Variants in KLHL3 observed in about 807,000 individuals in gnomAD.
The protein encoded by KLHL3 is kelch like family member 3.
A neutral mutation model predicts 70.5 loss-of-function variants in KLHL3; 19 were observed. The observed-to-expected ratio is 0.27, with a 90% CI of 0.19 to 0.40. KLHL3 has a LOEUF of 0.40. Ranked by LOEUF, KLHL3 falls within the 10% of genes least tolerant of loss-of-function variation. KLHL3 has a pLI of 1.00. For synonymous variants in KLHL3, 258 were observed against 290.3 expected (o/e 0.89, Z 1.13); for missense variants, 512 against 771.1 (o/e 0.66, Z 3.98).
At chr5:137,645,866 C>T (rs1751031752) in intron 8 of KLHL3, among the ~76,000 whole-genome samples, 1 of 152,072 alleles carries the variant, frequency 6.6e-6, no homozygotes, top group South Asian at 2.1e-4. Context: ...CTGGGGGCAT[C>T]ATGCTACCTG....
intron 11 of KLHL3, 55 bp downstream of exon 11, chr5:137,637,239 G>T: frequency 6.9e-7 from 1 of 1,446,570 alleles, no homozygotes; most frequent in Non-Finnish European, 9.7e-7. Context: ...GCTGGACCCA[G>T]GACAAGGCCC....
At position 137,620,425 on chromosome 5, in the gene KLHL3, C is replaced by A. The variant is rs1475844701; in HGVS notation, c.*1673G>T. ...TGGGGGATGCCAATCTCCTGCAGCA[C>A]CTGCTTGGAAGTAGCCCAGTCGTAT... On this transcript the variant is annotated 3_prime_UTR_variant, in exon 15 of 15. Coordinates refer to ENST00000309755, the MANE Select transcript of KLHL3 (RefSeq NM_017415.3). The A allele has an allele frequency of 6.6e-6, 1 of 152,156 alleles. No homozygotes were observed. Among genetic ancestry groups the A allele is most frequent in the African/African-American group, 2.4e-5 (1 of 41,434 alleles). The allele number at this position is 152,156 out of a possible 1,614,324, so 9.4% of individuals were successfully genotyped here. A position where few individuals can be genotyped will look rare whatever the true frequency, so the allele number is the denominator to read the frequency against.
chr5:137,727,317 T>C (rs1054171707), intron 1 of KLHL3, among the ~76,000 whole-genome samples: 1 of 152,102 alleles, frequency 6.6e-6, no homozygotes, highest in Non-Finnish European at 1.5e-5. Flanking sequence ...CTTCTCACTT[T>C]CGCTACCATT....
intron 4 of KLHL3, among the ~76,000 whole-genome samples, chr5:137,697,161 CTT>C (rs57501372): frequency 4.2e-4 from 61 of 146,626 alleles, no homozygotes; most frequent in Middle Eastern, 3.5e-3. Flanking sequence ...TCTTCCCAAT[CTT>C]TTTTTTTTTT....
At chr5:137,697,148 T>C (rs936805828) in intron 4 of KLHL3, among the ~76,000 whole-genome samples, 1 of 135,562 alleles carries the variant, frequency 7.4e-6, no homozygotes, top group Non-Finnish European at 1.5e-5. Flanking sequence ...ATCCAAACTC[T>C]CTTCTTCCCA....
intron 3 of KLHL3, chr5:137,706,242 C>T: frequency 1.5e-5 from 15 of 985,402 alleles, no homozygotes; most frequent in South Asian, 9.4e-5. Flanking sequence ...TTTTACTTTC[C>T]TTTTGGCTTT....
chr5:137,655,053 G>A (rs1175174562), intron 8 of KLHL3, among the ~76,000 whole-genome samples: 1 of 152,162 alleles, frequency 6.6e-6, no homozygotes, highest in Non-Finnish European at 1.5e-5. Flanking sequence ...CAAAAAAGCT[G>A]GGCCAGTGCT....
chr5:137,623,756 T>C (rs1316443492), intron 14 of KLHL3, among the ~76,000 whole-genome samples: 1 of 152,204 alleles, frequency 6.6e-6, no homozygotes, highest in Non-Finnish European at 1.5e-5. Flanking sequence ...TATTACTGCA[T>C]TTCATTCTCA....
chr5:137,686,218 A>G (rs182784267), intron 5 of KLHL3, among the ~76,000 whole-genome samples: 28 of 152,290 alleles, frequency 1.8e-4, no homozygotes, highest in Admixed American at 1.8e-3. Context: ...TCCTCCCCAA[A>G]AGTGCATGTG....
intron 1 of KLHL3, among the ~76,000 whole-genome samples, chr5:137,727,113 C>G (rs1753096574): frequency 6.6e-6 from 1 of 151,888 alleles, no homozygotes; most frequent in Non-Finnish European, 1.5e-5. Flanking sequence ...TTATGTTCCC[C>G]ACCCTCCCTT....
chr5:137,639,225 G>C lies in KLHL3; in HGVS notation c.1022-75C>G. 7.1e-7 allele frequency: 1 copy of C among 1,416,294 alleles called. No homozygotes were observed. Among genetic ancestry groups the C allele is most frequent in the Non-Finnish European group, 9.8e-7 (1 of 1,019,940 alleles). 87.7% of individuals were successfully genotyped at this position (1,416,294 alleles called of 1,614,324 possible). On this transcript the variant is annotated intron_variant, in intron 9 of 14. Transcript: ENST00000309755. The surrounding 1 kb of genome is among the most constrained non-coding windows in gnomAD (Gnocchi z 5.0). ...CTCATGTTGATGGATGGCAATGGAG[G>C]AGCAAGACAGACACAGGAAAAGTCG...
In KLHL3 at chr5:137,637,252, G is replaced by A. The variant is rs1241635237; in HGVS notation, c.1321+42C>T. 4 of 1,528,674 alleles carry A rather than the reference G, an allele frequency of 2.6e-6. No individual in the cohort carries two copies. The South Asian group carries it at 3.4e-5, about 13-fold the overall frequency. The allele number at this position is 1,528,674 out of a possible 1,614,324, so 94.7% of individuals were successfully genotyped here. On this transcript the variant is annotated intron_variant, in intron 11 of 14. Coordinates refer to ENST00000309755, the MANE Select transcript of KLHL3 (RefSeq NM_017415.3). ...ATGCTGGACCCAGGACAAGGCCCGT[G>A]GGCCAGGTAGGCCTGGCCACTGGCC...
At chr5:137,692,787 G>C in intron 4 of KLHL3, 1 of 246,024 alleles carries the variant, frequency 4.1e-6, no homozygotes, top group Non-Finnish European at 7.9e-6. Flanking sequence ...GCAGTTGCTG[G>C]TCCACAAACC....
intron 3 of KLHL3, 50 bp from the exon 4 acceptor site, chr5:137,698,458 T>C (rs770180266): frequency 3.1e-6 from 5 of 1,608,388 alleles, no homozygotes; most frequent in Non-Finnish European, 4.2e-6. Context: ...ACCTGGGATA[T>C]GTTTACCTTC....
At chr5:137,729,757 T>C (rs531073257) in intron 1 of KLHL3, among the ~76,000 whole-genome samples, 1 of 152,232 alleles carries the variant, frequency 6.6e-6, no homozygotes, top group South Asian at 2.1e-4. Flanking sequence ...ATCTAGTAAG[T>C]ATCCCAATCC....
intron 8 of KLHL3, among the ~76,000 whole-genome samples, chr5:137,654,251 T>G (rs113003117): frequency 1.5e-3 from 231 of 152,350 alleles, no homozygotes; most frequent in African/African-American, 5.2e-3. Context: ...ATATAAATTA[T>G]TATACCTCTA....
At chr5:137,651,128 TG>T (rs1751190318) in intron 8 of KLHL3, among the ~76,000 whole-genome samples, 1 of 152,206 alleles carries the variant, frequency 6.6e-6, no homozygotes, top group Non-Finnish European at 1.5e-5. Flanking sequence ...GTGATATAAA[TG>T]GTCAGTATTA....
At chr5:137,675,458 A>C (rs1283428311) in intron 6 of KLHL3, among the ~76,000 whole-genome samples, 1 of 152,196 alleles carries the variant, frequency 6.6e-6, no homozygotes, top group South Asian at 2.1e-4. Flanking sequence ...AGTGCCTGCC[A>C]AACACTATAT....
chr5:137,681,641 G>A (rs1752028726), intron 5 of KLHL3, among the ~76,000 whole-genome samples: 4 of 152,122 alleles, frequency 2.6e-5, no homozygotes, highest in Admixed American at 2.6e-4. Flanking sequence ...CGGGGGCATA[G>A]TACCTTTTAA....
Sources: gnomAD v4.1 joint callset for allele counts (sites outside exome capture counted in the v4.1 genomes callset) on GRCh38, gnomAD v4.1.1 for gene constraint, Gnocchi (gnomAD v3.1) non-coding constraint, MANE v1.5 for transcripts, NCBI Gene and HGNC (gene_info 2026-07-23, HGNC 2026-07-21) for gene names.